Variants in IFNAR2 observed in about 807,000 individuals in gnomAD.
The protein encoded by IFNAR2 is interferon alpha/beta receptor 2.
In IFNAR2, 30 loss-of-function variants were observed where a neutral mutation model predicts 49.4. The ratio of observed to expected loss-of-function variants is 0.61; its 90% CI spans 0.45 to 0.82. The LOEUF is 0.82. Among genes scored for constraint, IFNAR2 ranks in the 40% least tolerant of loss-of-function variants. The pLI is 0.00. For synonymous variants in IFNAR2, 224 were observed against 234.5 expected, an observed-to-expected ratio of 0.96 and a Z score of 0.41; for missense variants, 600 against 622.7, an observed-to-expected ratio of 0.96 and a Z score of 0.39.
In IFNAR2 at chr21:33,230,550, T is replaced by A. The variant is rs1347976890; in HGVS notation, c.-84+334T>A. 2.1e-6 allele frequency: 1 copy of A among 470,862 alleles called. No individual in the cohort carries two copies. Among genetic ancestry groups the A allele is most frequent in the African/African-American group, 2.0e-5 (1 of 50,060 alleles). 29.2% of individuals were successfully genotyped at this position (470,862 alleles called of 1,614,324 possible). ...GCCCAGGATACCGGGCATTTGCCACTGCAAGATGTGAGTCGTTGCTAAGTT... is the reference window on the plus strand; with the variant it reads ...GCCCAGGATACCGGGCATTTGCCACAGCAAGATGTGAGTCGTTGCTAAGTT... On this transcript the variant is annotated intron_variant, in intron 1 of 8. Coordinates refer to ENST00000342136, the MANE Select transcript of IFNAR2 (RefSeq NM_001289125.3). This position sits in a 1 kb window ranked among gnomAD's most constrained non-coding sequence, Gnocchi z 5.5.
At chr21:33,238,550 ACTC>A (rs1043136387) in intron 1 of IFNAR2, among the ~76,000 whole-genome samples, 3 of 151,962 alleles carry the variant, frequency 2.0e-5, no homozygotes, top group Non-Finnish European at 4.4e-5. Flanking sequence ...TTCTTGAAGA[ACTC>A]CTTTCTCACC....
chr21:33,251,858 A>C, intron 6 of IFNAR2: 1 of 747,812 alleles, frequency 1.3e-6, no homozygotes, highest in Non-Finnish European at 1.6e-6. Flanking sequence ...CAAGGCAGGC[A>C]GATCGCTTGC....
At chr21:33,249,390 G>C (rs1180037147) in intron 6 of IFNAR2, among the ~76,000 whole-genome samples, 4 of 150,048 alleles carry the variant, frequency 2.7e-5, no homozygotes, top group African/African-American at 4.9e-5. Context: ...ACAACATCAA[G>C]GAACACACAG....
chr21:33,258,435 G>A (rs190501597), intron 7 of IFNAR2, among the ~76,000 whole-genome samples: 1 of 152,332 alleles, frequency 6.6e-6, no homozygotes, highest in Admixed American at 6.5e-5. Flanking sequence ...GCTGGGAAAG[G>A]CAAAGAAATG....
At chr21:33,249,656 C>T (rs1987704483) in intron 6 of IFNAR2, among the ~76,000 whole-genome samples, 1 of 152,138 alleles carries the variant, frequency 6.6e-6, no homozygotes, top group Non-Finnish European at 1.5e-5. Context: ...TTTTGTTGTC[C>T]CTAGCCCTCC....
chr21:33,263,271 G>A lies in IFNAR2; in HGVS notation c.1319G>A (p.Ser440Asn), dbSNP rs1456035107. 6.2e-7 allele frequency: 1 copy of A among 1,614,234 alleles called. No homozygotes were observed. The highest frequency in any genetic ancestry group is 1.7e-5 in the Admixed American group (1 of 60,026). Residue 440 changes from serine to asparagine, a missense_variant, in exon 9 of 9, where the codon AGT becomes AAT. Transcript: ENST00000342136. ...VFLRVLDDED[S>N]DDLEAPLMLS... ...TTGAGAGTTCTTGATGACGAGGACA[G>A]TGACGACTTAGAAGCCCCTCTGATG... is the stretch of plus-strand genomic sequence containing the variant.
At position 33,235,382 on chromosome 21, in the gene IFNAR2, A is replaced by G. The variant is rs17860141; in HGVS notation, c.-84+5166A>G. On this transcript the variant is annotated intron_variant, in intron 1 of 8. Coordinates refer to ENST00000342136, the MANE Select transcript of IFNAR2 (RefSeq NM_001289125.3). ...GGGGGTGACCTGTCACCTGGGGCTCAGCAGGACAATAACTCTAGGAAAAAC... is the reference window on the plus strand; with the variant it reads ...GGGGGTGACCTGTCACCTGGGGCTCGGCAGGACAATAACTCTAGGAAAAAC... Among the ~76,000 whole-genome samples, 1,079 of 152,322 alleles carry G rather than the reference A, an allele frequency of 7.1e-3. 14 individuals carry two copies. The highest frequency in any genetic ancestry group is 0.025 in the African/African-American group (1,021 of 41,560).
intron 1 of IFNAR2, among the ~76,000 whole-genome samples, chr21:33,235,581 C>A (rs1001364947): frequency 6.6e-6 from 1 of 152,102 alleles, no homozygotes; most frequent in African/African-American, 2.4e-5. Flanking sequence ...CTTCCACAGT[C>A]TCTCTCTCTC....
rs761802313 is a variant in IFNAR2, at chr21:33,262,955, G to A, written c.1003G>A (p.Gly335Ser). ...TGAGGCAGCGCCCAGGACAAGTGGCGGTGGCTATACCATGCATGGACTGAC... is the reference window on the plus strand; with the variant it reads ...TGAGGCAGCGCCCAGGACAAGTGGCAGTGGCTATACCATGCATGGACTGAC... ...DTEAAPRTSG[G>S]GYTMHGLTVR... The change falls in exon 9 of 9, where the codon GGT becomes AGT. Residue 335 changes from glycine (G) to serine (S), a missense_variant. Transcript: ENST00000342136. 8.7e-6 allele frequency: 14 copies of A among 1,614,034 alleles called. No individual in the cohort carries two copies. The highest frequency in any genetic ancestry group is 1.3e-5 in the African/African-American group (1 of 74,920).
intron 1 of IFNAR2, among the ~76,000 whole-genome samples, chr21:33,231,553 A>G (rs1986065831): frequency 6.6e-6 from 1 of 152,206 alleles, no homozygotes; most frequent in South Asian, 2.1e-4. Flanking sequence ...AAGGATCATA[A>G]CCCTAGAGGT....
At chr21:33,259,636 C>A (rs560076086) in intron 7 of IFNAR2, among the ~76,000 whole-genome samples, 2 of 152,244 alleles carry the variant, frequency 1.3e-5, no homozygotes, top group East Asian at 3.9e-4. Flanking sequence ...TTTACAGTAC[C>A]CCTTTCAAGA....
intron 1 of IFNAR2, among the ~76,000 whole-genome samples, chr21:33,237,093 G>A (rs1167657712): frequency 6.6e-6 from 1 of 151,916 alleles, no homozygotes; most frequent in African/African-American, 2.4e-5. Flanking sequence ...GTGTGTGTGT[G>A]TGTGTGTGTG....
At chr21:33,255,548 C>A (rs1988152124) in intron 7 of IFNAR2, among the ~76,000 whole-genome samples, 1 of 151,886 alleles carries the variant, frequency 6.6e-6, no homozygotes, top group African/African-American at 2.4e-5. Flanking sequence ...GTGCACAGGA[C>A]AAGGTCTGAA....
At chr21:33,240,846 A>G (rs1986869648) in intron 1 of IFNAR2, among the ~76,000 whole-genome samples, 1 of 151,984 alleles carries the variant, frequency 6.6e-6, no homozygotes, top group African/African-American at 2.4e-5. Context: ...ATATATACAC[A>G]CAGTATATTC....
intron 1 of IFNAR2, chr21:33,236,726 A>C: frequency 7.1e-6 from 7 of 985,344 alleles, no homozygotes; most frequent in Non-Finnish European, 8.4e-6. Flanking sequence ...GAAGGATCCA[A>C]GTGTGAGCTG....
At chr21:33,248,556 C>T (rs1166406478) in intron 5 of IFNAR2, 153 bp from the exon 6 acceptor site, 1 of 200,358 alleles carries the variant, frequency 5.0e-6, no homozygotes, top group Admixed American at 6.5e-5. Flanking sequence ...ATGATACAGT[C>T]ACTTAGTGGA....
At chr21:33,235,013 G>A (rs79530572) in intron 1 of IFNAR2, among the ~76,000 whole-genome samples, 9 of 152,274 alleles carry the variant, frequency 5.9e-5, no homozygotes, top group Non-Finnish European at 8.8e-5. Flanking sequence ...GGAACTGAGG[G>A]TTCCTCACTT....
At chr21:33,247,337 C>T (rs1263597651) in intron 5 of IFNAR2, among the ~76,000 whole-genome samples, 3 of 150,442 alleles carry the variant, frequency 2.0e-5, no homozygotes, top group African/African-American at 7.4e-5. Context: ...CTGCAACCTC[C>T]ACCTTCCAGG....
intron 6 of IFNAR2, among the ~76,000 whole-genome samples, chr21:33,249,310 T>C (rs1987673100): frequency 1.4e-5 from 2 of 147,700 alleles, no homozygotes; most frequent in African/African-American, 2.5e-5. Context: ...CACCATTGTG[T>C]TCCAGCCTGG....
Sources: allele counts gnomAD v4.1 joint callset (sites outside exome capture counted in the v4.1 genomes callset), GRCh38; gene constraint gnomAD v4.1.1; non-coding constraint Gnocchi (gnomAD v3.1); transcripts MANE v1.5; gene names NCBI Gene and HGNC (gene_info 2026-07-23, HGNC 2026-07-21).